ZCWPW2: variants seen among roughly 807,000 people sequenced by gnomAD.
ZCWPW2 encodes zinc finger CW-type PWWP domain protein 2.
ZCWPW2 carries 45 observed loss-of-function variants against 46.6 expected under a neutral mutation model. That is an observed-to-expected ratio of 0.96 (90% CI 0.76 to 1.24). The LOEUF (loss-of-function observed/expected upper bound fraction) is 1.24, where lower values mean the gene tolerates loss of function less well. Among genes scored for constraint, ZCWPW2 ranks in the 50% most tolerant of loss-of-function variants. The probability of loss-of-function intolerance (pLI) is 0.00; values close to 1 mark genes in which losing one functional copy is unlikely to be tolerated. For missense variants in ZCWPW2, 429 were observed against 403.9 expected (o/e 1.06, Z -0.53); for synonymous variants, 152 against 137.1 (o/e 1.11, Z -0.76).
chr3:28,400,064 G>T (rs1200659892), intron 2 of ZCWPW2, among the ~76,000 whole-genome samples: 1 of 152,046 alleles, frequency 6.6e-6, no homozygotes, highest in East Asian at 1.9e-4. Flanking sequence ...AACATTCAGG[G>T]AAATAGATAG....
At chr3:28,446,470 T>C (rs1377898311) in intron 4 of ZCWPW2, among the ~76,000 whole-genome samples, 2 of 151,836 alleles carry the variant, frequency 1.3e-5, no homozygotes, top group Admixed American at 1.3e-4. Flanking sequence ...ATGAAACACA[T>C]CTTAGAGAAA....
At chr3:28,447,932 CA>C (rs1258067503) in intron 4 of ZCWPW2, 50 of 765,506 alleles carry the variant, frequency 6.5e-5, no homozygotes, top group Admixed American at 9.2e-5. Context: ...TTGTCCAAAA[CA>C]AAAAAACATG....
chr3:28,496,162 T>A (rs1699986147), intron 6 of ZCWPW2, among the ~76,000 whole-genome samples: 1 of 151,994 alleles, frequency 6.6e-6, no homozygotes. Context: ...AACTACATAT[T>A]TAGCCATAAA....
intron 2 of ZCWPW2, among the ~76,000 whole-genome samples, chr3:28,406,139 A>G (rs1696149889): frequency 6.6e-6 from 1 of 152,218 alleles, no homozygotes; most frequent in African/African-American, 2.4e-5. Flanking sequence ...ATAGTAAAGT[A>G]TAAGAGGAGA....
chr3:28,438,238 C>A (rs1472491454), intron 4 of ZCWPW2, among the ~76,000 whole-genome samples: 3 of 152,204 alleles, frequency 2.0e-5, no homozygotes, highest in Admixed American at 6.5e-5. Flanking sequence ...TTATTGTAAT[C>A]TCCCTCATTT....
At chr3:28,368,355 T>C (rs1193526685) in intron 1 of ZCWPW2, among the ~76,000 whole-genome samples, 1 of 152,144 alleles carries the variant, frequency 6.6e-6, no homozygotes, top group Non-Finnish European at 1.5e-5. Context: ...AGAGGCCTGG[T>C]GGTGACAAAA....
At chr3:28,350,386 GAGTA>G (rs1170369237) in intron 1 of ZCWPW2, among the ~76,000 whole-genome samples, 1 of 152,138 alleles carries the variant, frequency 6.6e-6, no homozygotes, top group African/African-American at 2.4e-5. Flanking sequence ...TTTTCTTTCT[GAGTA>G]AGTAAAGATA....
intron 3 of ZCWPW2, among the ~76,000 whole-genome samples, chr3:28,429,149 T>A (rs1697141270): frequency 6.6e-6 from 1 of 152,170 alleles, no homozygotes. Flanking sequence ...CCTAGAGACT[T>A]GTTGAATGAC....
chr3:28,440,062 G>A (rs962127143), intron 4 of ZCWPW2, among the ~76,000 whole-genome samples: 7 of 152,132 alleles, frequency 4.6e-5, no homozygotes, highest in Non-Finnish European at 7.3e-5. Context: ...GGATTGGGCT[G>A]TTGTAGTTTG....
intron 2 of ZCWPW2, among the ~76,000 whole-genome samples, chr3:28,393,006 A>G (rs1385531016): frequency 1.3e-5 from 2 of 152,060 alleles, no homozygotes; most frequent in African/African-American, 4.8e-5. Context: ...AGAAGATCAA[A>G]GAAACTAAAA....
intron 5 of ZCWPW2, among the ~76,000 whole-genome samples, chr3:28,488,896 A>G (rs1470064698): frequency 6.6e-6 from 1 of 152,212 alleles, no homozygotes; most frequent in African/African-American, 2.4e-5. Flanking sequence ...AATTTTTGCT[A>G]AAGTTGAACA....
At chr3:28,521,638 G>A (rs919132413) in intron 9 of ZCWPW2, among the ~76,000 whole-genome samples, 5 of 152,032 alleles carry the variant, frequency 3.3e-5, no homozygotes, top group African/African-American at 1.2e-4. Context: ...TTTCTATGTT[G>A]AACTCAGAAA....
intron 2 of ZCWPW2, among the ~76,000 whole-genome samples, chr3:28,395,459 C>T (rs1270680542): frequency 1.3e-5 from 2 of 152,112 alleles, no homozygotes; most frequent in African/African-American, 4.8e-5. Flanking sequence ...TTTCCAATCC[C>T]ATGTTAACTG....
At chr3:28,453,427 CCTTTTCCAT>C (rs1361139168) in intron 4 of ZCWPW2, among the ~76,000 whole-genome samples, 2 of 152,162 alleles carry the variant, frequency 1.3e-5, no homozygotes, top group Non-Finnish European at 2.9e-5. Flanking sequence ...CAGGTGGCTA[CCTTTTCCAT>C]CATCAAATGC....
chr3:28,426,390 GA>G (rs1185008003), intron 3 of ZCWPW2, among the ~76,000 whole-genome samples: 2 of 151,666 alleles, frequency 1.3e-5, no homozygotes, highest in African/African-American at 4.8e-5. Flanking sequence ...ACTACTTCAG[GA>G]ATGTTTACAC....
intron 3 of ZCWPW2, among the ~76,000 whole-genome samples, chr3:28,421,211 A>T (rs1444354384): frequency 6.6e-6 from 1 of 152,038 alleles, no homozygotes; most frequent in Non-Finnish European, 1.5e-5. Context: ...TGAGAGTTCA[A>T]GCTCCCCACT....
intron 5 of ZCWPW2, among the ~76,000 whole-genome samples, chr3:28,491,442 T>C (rs1378579912): frequency 2.0e-5 from 3 of 152,134 alleles, no homozygotes; most frequent in Non-Finnish European, 4.4e-5. Flanking sequence ...ATTCTGTTTT[T>C]AGGAGTGGTA....
chr3:28,359,464 A>T (rs1214275350), intron 1 of ZCWPW2, among the ~76,000 whole-genome samples: 3 of 152,074 alleles, frequency 2.0e-5, no homozygotes, highest in Non-Finnish European at 4.4e-5. Flanking sequence ...TAGGCATGAG[A>T]GTGTCTTTGA....
At chr3:28,480,441 C>T (rs989452294) in intron 5 of ZCWPW2, among the ~76,000 whole-genome samples, 9 of 150,680 alleles carry the variant, frequency 6.0e-5, no homozygotes, top group Admixed American at 2.6e-4. Flanking sequence ...GTTTAAGTTC[C>T]CTATAGATGG....
Sources: allele counts gnomAD v4.1 joint callset (sites outside exome capture counted in the v4.1 genomes callset), GRCh38; gene constraint gnomAD v4.1.1; transcripts MANE v1.5; gene names NCBI Gene and HGNC (gene_info 2026-07-23, HGNC 2026-07-21).